MYO7A: variants seen among roughly 807,000 people sequenced by gnomAD.
MYO7A encodes the protein myosin VIIA, also known as unconventional myosin-VIIa.
A neutral mutation model predicts 263.8 loss-of-function variants in MYO7A; 210 were observed. The ratio of observed to expected loss-of-function variants is 0.80; its 90% CI spans 0.71 to 0.89. MYO7A has a LOEUF of 0.89. MYO7A is among the 40% of genes least tolerant of loss of function. The pLI is 0.00. For synonymous variants in MYO7A, 1,239 were observed against 1,197.3 expected (o/e 1.03, Z -0.72); for missense variants, 2,820 against 2,968.3 (o/e 0.95, Z 1.16).
chr11:77,148,913 C>T (rs1453731984), intron 4 of MYO7A, among the ~76,000 whole-genome samples: 2 of 152,208 alleles, frequency 1.3e-5, no homozygotes, highest in Non-Finnish European at 2.9e-5. Context: ...CTCTGCTTCA[C>T]GTCCAGTCTG....
chr11:77,166,197 G>C (rs782593542), intron 15 of MYO7A, 35 bp downstream of exon 15: 1 of 1,572,358 alleles, frequency 6.4e-7, no homozygotes, highest in East Asian at 2.2e-5. Context: ...TTCGGGAAGG[G>C]CCCCCACGGG....
At position 77,183,080 on chromosome 11, in the gene MYO7A, G is replaced by A. The variant is rs782468194; in HGVS notation, c.3298G>A (p.Glu1100Lys). The change falls in exon 26 of 49, where the codon GAG becomes AAG. Residue 1100 changes from glutamate (E) to lysine (K), a missense_variant. Coordinates refer to ENST00000409709, the MANE Select transcript of MYO7A (RefSeq NM_000260.4). ...LQGEGEAQLP[E>K]GQKKSSVRHK... The stretch of plus-strand genomic sequence containing the variant: ...GCTGGTCCTGCAGGCCCAGCTCCCC[G>A]AGGGCCAGAAGAAGAGCAGTGTGAG... The A allele has an allele frequency of 2.9e-5, 45 of 1,551,274 alleles. No homozygotes were observed. Among genetic ancestry groups the A allele is most frequent in the Admixed American group, 5.9e-5 (3 of 51,016 alleles).
In MYO7A at chr11:77,159,353, C is replaced by T; in HGVS notation, c.1004-94C>T. 4 of 1,172,760 alleles carry T rather than the reference C, an allele frequency of 3.4e-6. No individual in the cohort carries two copies. In the South Asian group the frequency reaches 3.9e-5, roughly 11 times the overall value. 72.6% of individuals were successfully genotyped at this position (1,172,760 alleles called of 1,614,324 possible). A position where few individuals can be genotyped will look rare whatever the true frequency, so the allele number is the denominator to read the frequency against. On this transcript the variant is annotated intron_variant, in intron 9 of 48. Transcript: ENST00000409709. ...CTCCCTGGACAGGGCAGGACCCCGG[C>T]AGCAGGAGTGGCAGCCTAGTCCTCT...
intron 44 of MYO7A, among the ~76,000 whole-genome samples, chr11:77,209,611 C>T (rs1277732497): frequency 2.0e-5 from 3 of 151,880 alleles, no homozygotes; most frequent in Admixed American, 2.0e-4. Context: ...ACATCTGCTC[C>T]TCCTGTCCCA....
At chr11:77,170,649 G>A (rs1954004466) in intron 15 of MYO7A, among the ~76,000 whole-genome samples, 1 of 152,124 alleles carries the variant, frequency 6.6e-6, no homozygotes. Context: ...GGGTGGCCAC[G>A]CTGGTGAGAC....
Position 77,213,926 on chromosome 11 carries a change from A to G in MYO7A, c.6505A>G (p.Ile2169Val), listed in dbSNP as rs771904422. The part of the protein sequence containing the change: ...NWSSGNTYFH[I>V]TIGNLVRGSK... Reference sequence around the variant, plus strand: ...GAGCAGCGGCAACACCTACTTCCACATCACCATTGGGAACTTGGTGCGCGG... The same window carrying G: ...GAGCAGCGGCAACACCTACTTCCACGTCACCATTGGGAACTTGGTGCGCGG... Residue 2169 changes from isoleucine (I) to valine (V), a missense_variant, in exon 48 of 49, where the codon ATC (isoleucine) becomes GTC (valine). By Grantham distance (29) the Ile-to-Val change is conservative (BLOSUM62 3). Coordinates refer to ENST00000409709, the MANE Select transcript of MYO7A (RefSeq NM_000260.4). 2 of 1,614,032 alleles carry G rather than the reference A, an allele frequency of 1.2e-6. No individual in the cohort carries two copies. Among genetic ancestry groups the G allele is most frequent in the Admixed American group, 3.3e-5 (2 of 60,026 alleles).
At chr11:77,199,851 TG>T (rs1438186952) in intron 35 of MYO7A, 33 bp downstream of exon 35, 2 of 1,547,066 alleles carry the variant, frequency 1.3e-6, no homozygotes, top group Admixed American at 3.6e-5. Flanking sequence ...TGCCTGGCAC[TG>T]GGGGTCAGGG....
Position 77,190,603 on chromosome 11 carries a change from C to G in MYO7A, c.3751-94C>G, listed in dbSNP as rs7947922. On this transcript the variant is annotated intron_variant, in intron 29 of 48. Transcript: ENST00000409709. ...TACTGGGGCCTGGGGTGCTGGGGCA[C>G]CTCCAACCCCACAGAAAGCAGAGAG... 0.54 allele frequency: 762,321 copies of G among 1,399,614 alleles called. 212,503 individuals carry two copies. Among genetic ancestry groups the G allele is most frequent in the African/African-American group, 0.8 (56,266 of 70,224 alleles). The allele number at this position is 1,399,614 out of a possible 1,614,324, so 86.7% of individuals were successfully genotyped here. A position where few individuals can be genotyped will look rare whatever the true frequency, so the allele number is the denominator to read the frequency against.
rs397516302 is a variant in MYO7A, at chr11:77,155,979, C to A, written c.358C>A (p.Arg120Ser). The change falls in exon 5 of 49, where the codon CGC becomes AGC. Residue 120 changes from arginine to serine, a missense_variant. Coordinates refer to ENST00000409709, the MANE Select transcript of MYO7A (RefSeq NM_000260.4). ...CTCCATCTACTCGCCAGAGCACATC[C>A]GCCAGTATACCAACAAGAAGATTGG... Reference protein sequence around the residue: ...LLSIYSPEHIRQYTNKKIGEM... With the variant: ...LLSIYSPEHISQYTNKKIGEM... 9.3e-6 allele frequency: 15 copies of A among 1,613,420 alleles called. No homozygotes were observed. In the East Asian group the frequency reaches 2.7e-4, roughly 29 times the overall value.
At chr11:77,206,486 C>T (rs1957454175) in intron 41 of MYO7A, among the ~76,000 whole-genome samples, 1 of 152,218 alleles carries the variant, frequency 6.6e-6, no homozygotes, top group Admixed American at 6.5e-5. Context: ...AGCGCTTCTC[C>T]CTCTGAGCTG....
intron 15 of MYO7A, among the ~76,000 whole-genome samples, chr11:77,171,386 G>A (rs1389637826): frequency 3.3e-5 from 5 of 152,154 alleles, no homozygotes. Flanking sequence ...TGAGGACAAC[G>A]CCAGGGGCCA....
intron 14 of MYO7A, among the ~76,000 whole-genome samples, chr11:77,164,347 C>A (rs1432633561): frequency 6.6e-6 from 1 of 151,816 alleles, no homozygotes; most frequent in Non-Finnish European, 1.5e-5. Context: ...GGGTCCCATG[C>A]ATAGTCAAAG....
At chr11:77,184,271 G>T (rs1249775713) in intron 26 of MYO7A, among the ~76,000 whole-genome samples, 5 of 152,140 alleles carry the variant, frequency 3.3e-5, no homozygotes, top group African/African-American at 1.2e-4. Context: ...GGAGTCAGAG[G>T]ATCATGTCCC....
intron 2 of MYO7A, among the ~76,000 whole-genome samples, chr11:77,135,531 T>A (rs1950881384): frequency 6.6e-6 from 1 of 152,234 alleles, no homozygotes; most frequent in South Asian, 2.1e-4. Flanking sequence ...GCTTTGAACA[T>A]AGGTGTGCAA....
intron 2 of MYO7A, among the ~76,000 whole-genome samples, chr11:77,137,270 G>A (rs559010417): frequency 2.6e-4 from 39 of 152,280 alleles, no homozygotes; most frequent in African/African-American, 9.1e-4. Context: ...AGGGAGTGGG[G>A]TAGAACTGGG....
rs1267488205 is a variant in MYO7A at position 77,142,705 on chromosome 11, A to T, written c.19-4A>T. ...CCTGGGCTGAGACTCTCTCTCGCCC[A>T]TAGGGGGACCATGTGTGGATGGACC... is the stretch of plus-strand genomic sequence containing the variant. On this transcript the variant is annotated splice_region_variant and splice_polypyrimidine_tract_variant and intron_variant, in intron 2 of 48. Coordinates refer to ENST00000409709, the MANE Select transcript of MYO7A (RefSeq NM_000260.4). 6.2e-7 allele frequency: 1 copy of T among 1,607,016 alleles called. No homozygotes were observed. The highest frequency in any genetic ancestry group is 8.5e-7 in the Non-Finnish European group (1 of 1,176,878).
chr11:77,207,494 G>A (rs1157566483), intron 42 of MYO7A, 92 bp downstream of exon 42: 2 of 944,320 alleles, frequency 2.1e-6, no homozygotes, highest in South Asian at 2.8e-5. Context: ...AACTGGGGGA[G>A]AGAGGGGAAG....
rs981960656 is a variant in MYO7A, at chr11:77,158,214, C to T, written c.850-63C>T. 7.4e-6 allele frequency: 11 copies of T among 1,479,506 alleles called. No homozygotes were observed. In the African/African-American group the frequency reaches 1.3e-4, roughly 17 times the overall value. The allele number at this position is 1,479,506 out of a possible 1,614,324, so 91.6% of individuals were successfully genotyped here. A position where few individuals can be genotyped will look rare whatever the true frequency, so the allele number is the denominator to read the frequency against. On this transcript the variant is annotated intron_variant, in intron 8 of 48. Transcript: ENST00000409709. ...AGGGCCTTTTGGGCAGGCAGCCAGG[C>T]ACTGCCCCTCTGGGGGTACACTGAC...
chr11:77,179,853 T>C lies in MYO7A; in HGVS notation c.2486T>C (p.Val829Ala). 1 of 1,542,228 alleles carries C rather than the reference T, an allele frequency of 6.5e-7. No homozygotes were observed. The highest frequency in any genetic ancestry group is 8.7e-7 in the Non-Finnish European group (1 of 1,146,810). Reference sequence around the variant, plus strand: ...CAGGCCCGCTGCCGCGCCTATCTGGTGCGCAAGGCCTTCCGCCACCGCCTC... The same window carrying C: ...CAGGCCCGCTGCCGCGCCTATCTGGCGCGCAAGGCCTTCCGCCACCGCCTC... The part of the protein sequence containing the change: ...QFQARCRAYL[V>A]RKAFRHRLWA... The change falls in exon 21 of 49, where the codon GTG becomes GCG. Residue 829 changes from valine to alanine, a missense_variant. Val to Ala is a moderately conservative substitution (Grantham distance 64). Coordinates refer to ENST00000409709, the MANE Select transcript of MYO7A (RefSeq NM_000260.4).
Sources: gnomAD v4.1 joint callset for allele counts (sites outside exome capture counted in the v4.1 genomes callset) on GRCh38, gnomAD v4.1.1 for gene constraint, MANE v1.5 for transcripts, NCBI Gene and HGNC (gene_info 2026-07-23, HGNC 2026-07-21) for gene names.